Variants in TMEM51 observed in about 807,000 individuals in gnomAD.
TMEM51 encodes chromosome 1 open reading frame 72.
A neutral mutation model predicts 13.6 loss-of-function variants in TMEM51; 8 were observed. The observed-to-expected ratio is 0.59, with a 90% CI of 0.35 to 1.07. The LOEUF is 1.07. Ranked by LOEUF, TMEM51 falls within the 50% of genes least tolerant of loss-of-function variation. The pLI is 0.02. For missense variants in TMEM51, 279 were observed against 330.7 expected (o/e 0.84, Z 1.21); for synonymous variants, 147 against 144.4 (o/e 1.02, Z -0.13).
At chr1:15,206,246 AGAGAG>A (rs1345171582) in intron 1 of TMEM51, among the ~76,000 whole-genome samples, 2 of 90,306 alleles carry the variant, frequency 2.2e-5, no homozygotes, top group Non-Finnish European at 6.3e-5. Context: ...AAAAAAAAAA[AGAGAG>A]AGAGAAGAAA....
intron 1 of TMEM51, among the ~76,000 whole-genome samples, chr1:15,158,600 T>C (rs1182733374): frequency 6.6e-6 from 1 of 152,212 alleles, no homozygotes; most frequent in East Asian, 1.9e-4. Context: ...ACCCTGGCTC[T>C]TGCAGAGTAG....
At chr1:15,185,682 A>G (rs11588245) in intron 1 of TMEM51, among the ~76,000 whole-genome samples, 81,721 of 152,114 alleles carry the variant, frequency 0.54, 22,437 homozygotes, top group East Asian at 0.64. Context: ...GTGACAGGTG[A>G]TCTCCAAAAG....
intron 2 of TMEM51, among the ~76,000 whole-genome samples, chr1:15,211,912 C>G (rs1377515081): frequency 7.1e-6 from 1 of 140,212 alleles, no homozygotes; most frequent in Admixed American, 8.1e-5. Context: ...ATCATCCAGG[C>G]TTTTTCCCAT....
intron 2 of TMEM51, among the ~76,000 whole-genome samples, chr1:15,214,595 ATTAAAT>A (rs1644393895): frequency 6.6e-6 from 1 of 152,186 alleles, no homozygotes; most frequent in African/African-American, 2.4e-5. Context: ...ACTGCACTTC[ATTAAAT>A]TCCACACAAT....
At chr1:15,175,260 C>T (rs1011671574) in intron 1 of TMEM51, among the ~76,000 whole-genome samples, 7 of 152,034 alleles carry the variant, frequency 4.6e-5, no homozygotes, top group Admixed American at 3.3e-4. Context: ...ATTAGCTGGA[C>T]GTTGTGGCGA....
intron 1 of TMEM51, among the ~76,000 whole-genome samples, chr1:15,199,526 C>A (rs1025812734): frequency 6.6e-6 from 1 of 152,170 alleles, no homozygotes; most frequent in Non-Finnish European, 1.5e-5. Context: ...GCTTTCCCTG[C>A]AGCATCATGT....
chr1:15,193,575 C>CTTTCTTTCTTTTTTTTTTTTTTTT (rs1249772503), intron 1 of TMEM51, among the ~76,000 whole-genome samples: 2 of 114,656 alleles, frequency 1.7e-5, no homozygotes, highest in African/African-American at 7.1e-5. Flanking sequence ...TTCTTTCTTT[C>CTTTCTTTCTTTTTTTTTTTTTTTT]TTTTTTTTTT....
intron 2 of TMEM51, among the ~76,000 whole-genome samples, chr1:15,211,987 A>G (rs1644348385): frequency 6.6e-6 from 1 of 152,110 alleles, no homozygotes; most frequent in Non-Finnish European, 1.5e-5. Flanking sequence ...TGTTGTTTCA[A>G]TCTTGTTGTT....
intron 2 of TMEM51, among the ~76,000 whole-genome samples, chr1:15,210,945 C>T (rs1452212696): frequency 6.6e-6 from 1 of 152,146 alleles, no homozygotes; most frequent in Non-Finnish European, 1.5e-5. Context: ...GATCACAGTC[C>T]CCAAAGAGAG....
chr1:15,169,641 C>T (rs1643166340), intron 1 of TMEM51, among the ~76,000 whole-genome samples: 1 of 152,110 alleles, frequency 6.6e-6, no homozygotes, highest in African/African-American at 2.4e-5. Context: ...GAAATGTCTT[C>T]TTGTAGAAAC....
rs1642774115 is a variant in TMEM51 at position 15,161,333 on chromosome 1, C to G, written c.-267+7379C>G. 6.6e-6 allele frequency among the ~76,000 whole-genome samples: 1 copy of G among 151,746 alleles called. No homozygotes were observed. Among genetic ancestry groups the G allele is most frequent in the Admixed American group, 6.6e-5 (1 of 15,250 alleles). On this transcript the variant is annotated intron_variant, in intron 1 of 3. Coordinates refer to ENST00000376008, the MANE Select transcript of TMEM51 (RefSeq NM_001136218.2). The surrounding 1 kb of genome is among the most constrained non-coding windows in gnomAD (Gnocchi z 4.0). The stretch of plus-strand genomic sequence containing the variant: ...ACTAGCCTGGCCAACATGGTGAAAC[C>G]CCATCTCTACTAAAAATAGAAAAAT...
At chr1:15,162,055 T>G (rs1209328511) in intron 1 of TMEM51, among the ~76,000 whole-genome samples, 1 of 150,592 alleles carries the variant, frequency 6.6e-6, no homozygotes, top group African/African-American at 2.5e-5. Flanking sequence ...AGAGAAGGAG[T>G]GGGGAGCAGA....
chr1:15,171,870 A>ACAGGACCT (rs1410727959), intron 1 of TMEM51, among the ~76,000 whole-genome samples: 2 of 152,116 alleles, frequency 1.3e-5, no homozygotes, highest in Non-Finnish European at 1.5e-5. Flanking sequence ...GACTCTCTTG[A>ACAGGACCT]CAGGACCTTC....
intron 1 of TMEM51, chr1:15,192,504 G>C: frequency 5.2e-6 from 1 of 190,802 alleles, no homozygotes; most frequent in Non-Finnish European, 9.8e-6. Flanking sequence ...CCAGGCTGGA[G>C]TGCAGTGGCA....
At chr1:15,169,852 G>A (rs1643175836) in intron 1 of TMEM51, among the ~76,000 whole-genome samples, 2 of 152,124 alleles carry the variant, frequency 1.3e-5, no homozygotes, top group African/African-American at 4.8e-5. Flanking sequence ...ATAAAAATTT[G>A]ACTATTTACT....
At chr1:15,174,453 G>T (rs944964851) in intron 1 of TMEM51, among the ~76,000 whole-genome samples, 1 of 152,064 alleles carries the variant, frequency 6.6e-6, no homozygotes, top group African/African-American at 2.4e-5. Context: ...TGTTGCCCAG[G>T]CTGGTCTCAA....
chr1:15,173,759 T>G (rs1374123256), intron 1 of TMEM51, among the ~76,000 whole-genome samples: 1 of 152,196 alleles, frequency 6.6e-6, no homozygotes, highest in East Asian at 1.9e-4. Flanking sequence ...AAACACCCTT[T>G]CTTCAACCTG....
intron 1 of TMEM51, among the ~76,000 whole-genome samples, chr1:15,184,431 G>A (rs1042295643): frequency 1.3e-5 from 2 of 152,214 alleles, no homozygotes; most frequent in South Asian, 2.1e-4. Flanking sequence ...AGGTCCAGAC[G>A]ACAGAGTACC....
intron 1 of TMEM51, among the ~76,000 whole-genome samples, chr1:15,197,446 C>T (rs1272965155): frequency 6.6e-6 from 1 of 152,166 alleles, no homozygotes; most frequent in African/African-American, 2.4e-5. Flanking sequence ...CCTCCTGTGA[C>T]CTTTGGACCC....
Sources: allele counts gnomAD v4.1 joint callset (sites outside exome capture counted in the v4.1 genomes callset), GRCh38; gene constraint gnomAD v4.1.1; non-coding constraint Gnocchi (gnomAD v3.1); transcripts MANE v1.5; gene names NCBI Gene and HGNC (gene_info 2026-07-23, HGNC 2026-07-21).